ARID5B: variants seen among roughly 807,000 people sequenced by gnomAD.
ARID5B encodes AT-rich interactive domain-containing protein 5B.
A neutral mutation model predicts 97.2 loss-of-function variants in ARID5B; 13 were observed. The observed-to-expected ratio is 0.13, with a 90% CI of 0.09 to 0.21. The LOEUF (loss-of-function observed/expected upper bound fraction) is 0.21, where lower values mean the gene tolerates loss of function less well. Ranked by LOEUF, ARID5B falls within the 10% of genes least tolerant of loss-of-function variation. The probability of loss-of-function intolerance (pLI) is 1.00; values close to 1 mark genes in which losing one functional copy is unlikely to be tolerated. For missense variants in ARID5B, 1,210 were observed against 1,465.3 expected, an observed-to-expected ratio of 0.83 and a Z score of 2.84; for synonymous variants, 556 against 570.3, an observed-to-expected ratio of 0.97 and a Z score of 0.36.
intron 8 of ARID5B, among the ~76,000 whole-genome samples, chr10:62,080,584 A>G (rs928185739): frequency 1.3e-5 from 2 of 152,190 alleles, no homozygotes; most frequent in Admixed American, 6.5e-5. Flanking sequence ...TATACCTTCT[A>G]TTGGCTCCAT....
At chr10:62,001,683 G>A (rs1484757273) in intron 4 of ARID5B, among the ~76,000 whole-genome samples, 2 of 152,132 alleles carry the variant, frequency 1.3e-5, no homozygotes, top group Non-Finnish European at 2.9e-5. Flanking sequence ...ACAGAGAGAG[G>A]AAGGGGAACC....
At chr10:61,978,915 G>A (rs1838738536) in intron 3 of ARID5B, among the ~76,000 whole-genome samples, 1 of 152,224 alleles carries the variant, frequency 6.6e-6, no homozygotes, top group South Asian at 2.1e-4. Context: ...GGAGTGGTGA[G>A]AGAGGGCATC....
At chr10:61,909,492 A>AT (rs1487069375) in intron 2 of ARID5B, among the ~76,000 whole-genome samples, 1 of 151,262 alleles carries the variant, frequency 6.6e-6, no homozygotes, top group Non-Finnish European at 1.5e-5. Flanking sequence ...CGGCCGGCTA[A>AT]TTTTTTGTAT....
intron 3 of ARID5B, among the ~76,000 whole-genome samples, chr10:61,985,051 G>A (rs1838828114): frequency 6.6e-6 from 1 of 151,968 alleles, no homozygotes; most frequent in African/African-American, 2.4e-5. Flanking sequence ...TGACAGGCTG[G>A]AAAGATTAAT....
At chr10:62,083,763 C>G (rs2132974941) in intron 8 of ARID5B, among the ~76,000 whole-genome samples, 1 of 152,234 alleles carries the variant, frequency 6.6e-6, no homozygotes, top group African/African-American at 2.4e-5. Context: ...TTAAAATATT[C>G]AATGCATTTT....
At chr10:62,067,387 C>A (rs969443307) in intron 7 of ARID5B, among the ~76,000 whole-genome samples, 2 of 152,186 alleles carry the variant, frequency 1.3e-5, no homozygotes, top group African/African-American at 4.8e-5. Flanking sequence ...CCGGCCAGAA[C>A]TTCTGTTCTA....
At chr10:62,057,016 A>T (rs2132939095) in intron 5 of ARID5B, 101 bp from the exon 6 acceptor site, 1 of 1,079,308 alleles carries the variant, frequency 9.3e-7, no homozygotes, top group East Asian at 2.6e-5. Flanking sequence ...GTTCACCCTT[A>T]GCACTCACTG....
At chr10:61,998,418 G>A (rs543285287) in intron 3 of ARID5B, among the ~76,000 whole-genome samples, 1 of 152,168 alleles carries the variant, frequency 6.6e-6, no homozygotes, top group African/African-American at 2.4e-5. Flanking sequence ...GCTTACAACC[G>A]CTCTGATGGG....
At chr10:62,081,840 G>A (rs1017813474) in intron 8 of ARID5B, among the ~76,000 whole-genome samples, 24 of 152,200 alleles carry the variant, frequency 1.6e-4, no homozygotes, top group African/African-American at 5.5e-4. Flanking sequence ...TAAAAACCTA[G>A]TGTACTAAGC....
At chr10:62,014,091 T>C (rs982244584) in intron 4 of ARID5B, among the ~76,000 whole-genome samples, 6 of 152,170 alleles carry the variant, frequency 3.9e-5, no homozygotes, top group African/African-American at 1.4e-4. Context: ...CTTCGACATA[T>C]TGATTTCCTT....
chr10:62,095,726 C>G lies in ARID5B; in HGVS notation c.*2696C>G. 4.3e-6 allele frequency: 1 copy of G among 232,086 alleles called. No homozygotes were observed. The highest frequency in any genetic ancestry group is 6.1e-5 in the East Asian group (1 of 16,366). 14.4% of individuals were successfully genotyped at this position (232,086 alleles called of 1,614,324 possible). A position where few individuals can be genotyped will look rare whatever the true frequency, so the allele number is the denominator to read the frequency against. On this transcript the variant is annotated 3_prime_UTR_variant, in exon 10 of 10. Transcript: ENST00000279873. ...CATTGAATTCTTCATTGGCTGAGAA[C>G]GACGTTTTAAAATGTCTTAAATAAG...
rs957084797 is a variant in ARID5B at position 62,094,891 on chromosome 10, G to A, written c.*1861G>A. On this transcript the variant is annotated 3_prime_UTR_variant, in exon 10 of 10. Transcript: ENST00000279873. ...TTTTCAACTTCTAAATAGGTAACTCGACTGCAAAATAATCAAAACTGATAA... is the reference window on the plus strand; with the variant it reads ...TTTTCAACTTCTAAATAGGTAACTCAACTGCAAAATAATCAAAACTGATAA... 5 of 230,832 alleles carry A rather than the reference G, an allele frequency of 2.2e-5. No individual in the cohort carries two copies. The highest frequency in any genetic ancestry group is 1.2e-4 in the East Asian group (2 of 16,242). The allele number at this position is 230,832 out of a possible 1,614,324, so 14.3% of individuals were successfully genotyped here.
In ARID5B at chr10:61,917,489, C is replaced by T. The variant is rs373430427; in HGVS notation, c.276+15076C>T. Reference sequence around the variant, plus strand: ...GATTACAGGAAAGCACCACCACGCCCGGCTAATTTTTGTATTGTTAGTAGA... The same window carrying T: ...GATTACAGGAAAGCACCACCACGCCTGGCTAATTTTTGTATTGTTAGTAGA... On this transcript the variant is annotated intron_variant, in intron 2 of 9. Coordinates refer to ENST00000279873, the MANE Select transcript of ARID5B (RefSeq NM_032199.3). Among the ~76,000 whole-genome samples, 14 of 152,186 alleles carry T rather than the reference C, an allele frequency of 9.2e-5. No individual in the cohort carries two copies. The East Asian group carries it at 1.2e-3, about 13-fold the overall frequency.
intron 2 of ARID5B, among the ~76,000 whole-genome samples, chr10:61,919,300 ATTTTC>A (rs1013812979): frequency 9.2e-5 from 14 of 152,016 alleles, no homozygotes; most frequent in African/African-American, 3.1e-4. Context: ...AGTTTCCTGT[ATTTTC>A]TTTTCTTAAA....
intron 3 of ARID5B, among the ~76,000 whole-genome samples, chr10:61,952,383 G>C (rs942110428): frequency 6.6e-6 from 1 of 152,282 alleles, no homozygotes. Context: ...CACATTTAGT[G>C]TCTCTACCAC....
chr10:62,058,390 T>C (rs1839883166), intron 6 of ARID5B, among the ~76,000 whole-genome samples: 1 of 152,188 alleles, frequency 6.6e-6, no homozygotes, highest in African/African-American at 2.4e-5. Context: ...AAAATCATTT[T>C]ATTCTTCATT....
intron 3 of ARID5B, among the ~76,000 whole-genome samples, chr10:61,968,456 G>A (rs773499668): frequency 4.9e-5 from 7 of 143,882 alleles, no homozygotes; most frequent in Non-Finnish European, 1.0e-4. Context: ...ATCCAAATTC[G>A]GCTAATTGAT....
intron 2 of ARID5B, among the ~76,000 whole-genome samples, chr10:61,905,636 A>C (rs1282580692): frequency 6.6e-6 from 1 of 152,030 alleles, no homozygotes; most frequent in Non-Finnish European, 1.5e-5. Flanking sequence ...CCCCAGTGAA[A>C]CCTACCCTTG....
chr10:61,929,989 C>G (rs1844175348), intron 2 of ARID5B, among the ~76,000 whole-genome samples: 1 of 152,334 alleles, frequency 6.6e-6, no homozygotes, highest in Admixed American at 6.5e-5. Context: ...TGAGTTGACT[C>G]TGAGGCATCC....
Sources: allele counts gnomAD v4.1 joint callset (sites outside exome capture counted in the v4.1 genomes callset), GRCh38; gene constraint gnomAD v4.1.1; transcripts MANE v1.5; gene names NCBI Gene and HGNC (gene_info 2026-07-23, HGNC 2026-07-21).